Variants in CCND2 observed in about 807,000 individuals in gnomAD.
CCND2 encodes the protein cyclin D2.
A neutral mutation model predicts 30.2 loss-of-function variants in CCND2; 6 were observed. That is an observed-to-expected ratio of 0.20 (90% CI 0.11 to 0.39). CCND2 has a LOEUF of 0.39. CCND2 is among the 10% of genes least tolerant of loss of function. CCND2 has a pLI of 1.00. For synonymous variants in CCND2, 150 were observed against 153.1 expected (o/e 0.98, Z 0.15); for missense variants, 235 against 373.4 (o/e 0.63, Z 3.06).
intron 4 of CCND2, chr12:4,289,254 G>A (rs924473780): frequency 1.1e-5 from 3 of 273,800 alleles, no homozygotes; most frequent in Non-Finnish European, 1.4e-5. Context: ...CCTTTATGGC[G>A]TGGGCTTCTC....
At chr12:4,278,556 A>C (rs1333066281) in intron 2 of CCND2, 1 of 462,834 alleles carries the variant, frequency 2.2e-6, no homozygotes, top group Non-Finnish European at 3.9e-6. Context: ...TTTTCAGTGG[A>C]GCCTGACATT....
intron 1 of CCND2, chr12:4,275,056 TG>T (rs1863846880): frequency 6.6e-6 from 1 of 151,174 alleles, no homozygotes; most frequent in African/African-American, 2.4e-5. Flanking sequence ...TGCGGAGATT[TG>T]GGTGGGGTAG....
Position 4,300,160 on chromosome 12 carries a change from A to G in CCND2, c.*151A>G, listed in dbSNP as rs1369178648. On this transcript the variant is annotated 3_prime_UTR_variant, in exon 5 of 5. Coordinates refer to ENST00000261254, the MANE Select transcript of CCND2 (RefSeq NM_001759.4). ...TATTTAAAGATCTTTTAGAAGTGAG[A>G]GAAAAAGGTCCTACGAAAACGGAAT... 2.7e-6 allele frequency: 2 copies of G among 751,668 alleles called. No homozygotes were observed. Among genetic ancestry groups the G allele is most frequent in the Non-Finnish European group, 4.1e-6 (2 of 488,724 alleles). 46.6% of individuals were successfully genotyped at this position (751,668 alleles called of 1,614,324 possible).
chr12:4,300,972 G>A lies in CCND2; in HGVS notation c.*963G>A, dbSNP rs1387644279. On this transcript the variant is annotated 3_prime_UTR_variant, in exon 5 of 5. Transcript: ENST00000261254. ...AGCATTGTTATAAACCATTCCATTCGAAAAGCACTTTGAAAAATTGTTCCC... is the reference window on the plus strand; with the variant it reads ...AGCATTGTTATAAACCATTCCATTCAAAAAGCACTTTGAAAAATTGTTCCC... 5 of 233,516 alleles carry A rather than the reference G, an allele frequency of 2.1e-5. No homozygotes were observed. Among genetic ancestry groups the A allele is most frequent in the Admixed American group, 5.6e-5 (1 of 17,768 alleles). 14.5% of individuals were successfully genotyped at this position (233,516 alleles called of 1,614,324 possible).
rs1565434985 is a variant in CCND2, at chr12:4,287,780, C to G, written c.572-1062C>G. Reference sequence around the variant, plus strand: ...CATTGGTAGCTGTCAGCAGCTGTAACAGGAGAAGTTGGCTGTCTTTATTTC... The same window carrying G: ...CATTGGTAGCTGTCAGCAGCTGTAAGAGGAGAAGTTGGCTGTCTTTATTTC... On this transcript the variant is annotated intron_variant, in intron 3 of 4. Transcript: ENST00000261254. The surrounding 1 kb of genome is among the most constrained non-coding windows in gnomAD (Gnocchi z 4.0). Among the ~76,000 whole-genome samples, 1 of 152,202 alleles carries G rather than the reference C, an allele frequency of 6.6e-6. No individual in the cohort carries two copies. Among genetic ancestry groups the G allele is most frequent in the East Asian group, 1.9e-4 (1 of 5,196 alleles).
In CCND2 at chr12:4,278,859, C is replaced by G. The variant is rs975747044; in HGVS notation, c.511C>G (p.Arg171Gly). The change falls in exon 3 of 5, where the codon CGG (arginine) becomes GGG (glycine). Residue 171 changes from arginine to glycine, a missense_variant. By Grantham distance (125) the Arg-to-Gly change is moderately radical. Around this residue, in one of 2 missense-constraint regions of CCND2, gnomAD observed 178 missense variants for 322.8 expected, o/e 0.55. Coordinates refer to ENST00000261254, the MANE Select transcript of CCND2 (RefSeq NM_001759.4). Reference sequence around the variant, plus strand: ...CATCTTGCGCAAGCTGCCCCAGCAGCGGGAGAAGCTGTCTCTGATCCGCAA... The same window carrying G: ...CATCTTGCGCAAGCTGCCCCAGCAGGGGGAGAAGCTGTCTCTGATCCGCAA... ...EHILRKLPQQ[R>G]EKLSLIRKHA... 6.2e-7 allele frequency: 1 copy of G among 1,614,170 alleles called. No individual in the cohort carries two copies. Among genetic ancestry groups the G allele is most frequent in the Admixed American group, 1.7e-5 (1 of 60,032 alleles).
chr12:4,284,806 G>GC (rs1191151860), intron 3 of CCND2, among the ~76,000 whole-genome samples: 6 of 140,530 alleles, frequency 4.3e-5, no homozygotes, highest in Non-Finnish European at 7.5e-5. Context: ...CACAATCTCT[G>GC]CTCACTGCAA....
chr12:4,292,216 G>A (rs147702120), intron 4 of CCND2, among the ~76,000 whole-genome samples: 7 of 151,966 alleles, frequency 4.6e-5, no homozygotes, highest in South Asian at 2.1e-4. Context: ...AAACATTCTC[G>A]GGCCACGCTA....
rs1194440605 is a variant in CCND2, at chr12:4,282,158, A to G, written c.571+3239A>G. ...CACTGGGAGATTGTTGAGATGTGAT[A>G]CCATGCTCGGTGGATGATTCCAGTT... is the stretch of plus-strand genomic sequence containing the variant. On this transcript the variant is annotated intron_variant, in intron 3 of 4. Transcript: ENST00000261254. The surrounding 1 kb of genome is among the most constrained non-coding windows in gnomAD (Gnocchi z 4.3). Among the ~76,000 whole-genome samples, 1 of 152,222 alleles carries G rather than the reference A, an allele frequency of 6.6e-6. No homozygotes were observed. Among genetic ancestry groups the G allele is most frequent in the East Asian group, 1.9e-4 (1 of 5,174 alleles).
rs1863904581 is a variant in CCND2, at chr12:4,278,598, A to G, written c.412-162A>G. 1.6e-5 allele frequency: 9 copies of G among 562,340 alleles called. No individual in the cohort carries two copies. In the South Asian group the frequency reaches 2.3e-4, roughly 15 times the overall value. 34.8% of individuals were successfully genotyped at this position (562,340 alleles called of 1,614,324 possible). On this transcript the variant is annotated intron_variant, in intron 2 of 4. Transcript: ENST00000261254. ...ATAAGAAGAGCTGTCAACAACTTCA[A>G]AGCTTCAGGGGCACATTGACAAATG...
chr12:4,281,478 G>A (rs938701694), intron 3 of CCND2, among the ~76,000 whole-genome samples: 1 of 152,194 alleles, frequency 6.6e-6, no homozygotes, highest in African/African-American at 2.4e-5. Context: ...GCAGAGGTAG[G>A]AGATGCAGAT....
chr12:4,304,915 T>C lies in CCND2; in HGVS notation c.*4906T>C, dbSNP rs1379288573. 1 of 233,738 alleles carries C rather than the reference T, an allele frequency of 4.3e-6. No homozygotes were observed. The highest frequency in any genetic ancestry group is 8.5e-6 in the Non-Finnish European group (1 of 118,056). 14.5% of individuals were successfully genotyped at this position (233,738 alleles called of 1,614,324 possible). ...TTTTCCATTATGTTCATCACCCTTA[T>C]ATCATGTACCTCAGATCTCTCTCTC... On this transcript the variant is annotated 3_prime_UTR_variant, in exon 5 of 5. Coordinates refer to ENST00000261254, the MANE Select transcript of CCND2 (RefSeq NM_001759.4). This position sits in a 1 kb window ranked among gnomAD's most constrained non-coding sequence, Gnocchi z 6.2.
chr12:4,275,970 C>A (rs769655297), intron 1 of CCND2, 35 bp from the exon 2 acceptor site: 2 of 1,263,688 alleles, frequency 1.6e-6, no homozygotes, highest in South Asian at 1.5e-5. Flanking sequence ...TGCTCTCCAC[C>A]CCCGCCCCCC....
chr12:4,283,312 C>T (rs895686984), intron 3 of CCND2, among the ~76,000 whole-genome samples: 5 of 152,340 alleles, frequency 3.3e-5, no homozygotes, highest in Non-Finnish European at 7.3e-5. Context: ...GACCCAATTC[C>T]TTTGATTCCT....
rs901313807 is a variant in CCND2, at chr12:4,276,431, C to T, written c.411+211C>T. Among the ~76,000 whole-genome samples the T allele has an allele frequency of 6.6e-6, 1 of 152,186 alleles. No individual in the cohort carries two copies. The highest frequency in any genetic ancestry group is 2.4e-5 in the African/African-American group (1 of 41,434). ...CTACTATGTGCCCAGGCTCCGTGCC[C>T]AGCACTGAGGCTACATCTGTGAATA... On this transcript the variant is annotated intron_variant, in intron 2 of 4. Coordinates refer to ENST00000261254, the MANE Select transcript of CCND2 (RefSeq NM_001759.4). This position sits in a 1 kb window ranked among gnomAD's most constrained non-coding sequence, Gnocchi z 4.8.
Position 4,276,313 on chromosome 12 carries a change from C to A in CCND2, c.411+93C>A, listed in dbSNP as rs1863873865. 9.4e-7 allele frequency: 1 copy of A among 1,068,106 alleles called. No homozygotes were observed. Among genetic ancestry groups the A allele is most frequent in the African/African-American group, 1.6e-5 (1 of 63,790 alleles). The allele number at this position is 1,068,106 out of a possible 1,614,324, so 66.2% of individuals were successfully genotyped here. A position where few individuals can be genotyped will look rare whatever the true frequency, so the allele number is the denominator to read the frequency against. On this transcript the variant is annotated intron_variant, in intron 2 of 4. Coordinates refer to ENST00000261254, the MANE Select transcript of CCND2 (RefSeq NM_001759.4). This position sits in a 1 kb window ranked among gnomAD's most constrained non-coding sequence, Gnocchi z 4.8. ...TCTATCACCACTGCCAGAGCAAATT[C>A]TTGGGATCCAGAATGACCCCACCAA...
At position 4,290,978 on chromosome 12, in the gene CCND2, C is replaced by T. The variant is rs188017651; in HGVS notation, c.720+1988C>T. Among the ~76,000 whole-genome samples the T allele has an allele frequency of 5.9e-3, 895 of 152,256 alleles. 8 individuals carry two copies. Among genetic ancestry groups the T allele is most frequent in the African/African-American group, 0.021 (860 of 41,534 alleles). On this transcript the variant is annotated intron_variant, in intron 4 of 4. Transcript: ENST00000261254. The stretch of plus-strand genomic sequence containing the variant: ...CTATAATGGGCACACGCCGTGTTTC[C>T]TAACTGGGGCTGCCTGTGTGTGCCT...
rs955587724 is a variant in CCND2 at position 4,287,405 on chromosome 12, T to G, written c.572-1437T>G. On this transcript the variant is annotated intron_variant, in intron 3 of 4. Transcript: ENST00000261254. This position sits in a 1 kb window ranked among gnomAD's most constrained non-coding sequence, Gnocchi z 4.0. ...AGGAGAGGGGCTGGTTTTTGTAGAT[T>G]TAACCTGATTGTTTTTGCTGTAAGT... Among the ~76,000 whole-genome samples, 8 of 152,140 alleles carry G rather than the reference T, an allele frequency of 5.3e-5. No homozygotes were observed. The highest frequency in any genetic ancestry group is 1.9e-4 in the African/African-American group (8 of 41,394).
In CCND2 at chr12:4,274,292, C is replaced by T; in HGVS notation, c.195+57C>T. 6.4e-7 allele frequency: 1 copy of T among 1,567,810 alleles called. No homozygotes were observed. The highest frequency in any genetic ancestry group is 1.7e-5 in the Admixed American group (1 of 58,564). ...AGGACCCCTCCGGATGCTCGGGTCC[C>T]CGGCCGGAGCCCTAAACCTGGGAGA... On this transcript the variant is annotated intron_variant, in intron 1 of 4. Coordinates refer to ENST00000261254, the MANE Select transcript of CCND2 (RefSeq NM_001759.4). This position sits in a 1 kb window ranked among gnomAD's most constrained non-coding sequence, Gnocchi z 7.7.
Sources: allele counts gnomAD v4.1 joint callset (sites outside exome capture counted in the v4.1 genomes callset), GRCh38; gene constraint gnomAD v4.1.1; regional missense constraint gnomAD v4.1.1; non-coding constraint Gnocchi (gnomAD v3.1); transcripts MANE v1.5; gene names NCBI Gene and HGNC (gene_info 2026-07-23, HGNC 2026-07-21).